LRRTM4: variants seen among roughly 807,000 people sequenced by gnomAD.
LRRTM4 encodes the protein leucine rich repeat transmembrane neuronal 4, also known as leucine-rich repeat transmembrane neuronal protein 4.
Under a neutral mutation model 47.6 loss-of-function variants are expected in LRRTM4, and 25 were observed. That is an observed-to-expected ratio of 0.53 (90% CI 0.38 to 0.73). The LOEUF is 0.73. LRRTM4 is among the 30% of genes least tolerant of loss of function. LRRTM4 has a pLI of 0.00. For synonymous variants in LRRTM4, 311 were observed against 269.5 expected (o/e 1.15, Z -1.51); for missense variants, 638 against 713.4 (o/e 0.89, Z 1.20).
intron 3 of LRRTM4, among the ~76,000 whole-genome samples, chr2:76,780,338 T>C (rs1038123481): frequency 1.3e-5 from 2 of 152,216 alleles, no homozygotes; most frequent in East Asian, 3.9e-4. Context: ...TTCTCCTGGA[T>C]AATCTCCTGC....
At chr2:76,749,444 C>T (rs1672772417) in intron 3 of LRRTM4, among the ~76,000 whole-genome samples, 2 of 151,976 alleles carry the variant, frequency 1.3e-5, no homozygotes, top group South Asian at 4.2e-4. Flanking sequence ...CAATTGAAAT[C>T]TTTACTATCA....
At chr2:76,824,587 G>A (rs1671140591) in intron 3 of LRRTM4, among the ~76,000 whole-genome samples, 1 of 148,090 alleles carries the variant, frequency 6.8e-6, no homozygotes, top group African/African-American at 2.6e-5. Context: ...CTGTCCTAGA[G>A]GAAGAGAGAA....
intron 3 of LRRTM4, among the ~76,000 whole-genome samples, chr2:77,485,212 A>G (rs1362294054): frequency 6.6e-6 from 1 of 152,120 alleles, no homozygotes; most frequent in African/African-American, 2.4e-5. Context: ...AAATGTGGAG[A>G]ATAGTATATA....
intron 3 of LRRTM4, among the ~76,000 whole-genome samples, chr2:77,515,450 T>C (rs930417163): frequency 3.3e-5 from 5 of 151,914 alleles, no homozygotes; most frequent in Non-Finnish European, 7.4e-5. Context: ...TAGGTCATGG[T>C]AACTGAATAT....
At chr2:76,979,831 T>G (rs1251341421) in intron 3 of LRRTM4, among the ~76,000 whole-genome samples, 1 of 151,902 alleles carries the variant, frequency 6.6e-6, no homozygotes, top group East Asian at 1.9e-4. Flanking sequence ...AATGAAGCAG[T>G]TTAGATTCCT....
chr2:77,458,237 A>T (rs1216327521), intron 3 of LRRTM4, among the ~76,000 whole-genome samples: 2 of 152,184 alleles, frequency 1.3e-5, no homozygotes, highest in Non-Finnish European at 2.9e-5. Flanking sequence ...CAAAAGAATG[A>T]AGAACAAATT....
intron 3 of LRRTM4, among the ~76,000 whole-genome samples, chr2:77,078,911 G>T (rs1157303881): frequency 6.6e-6 from 1 of 152,140 alleles, no homozygotes; most frequent in East Asian, 1.9e-4. Flanking sequence ...TTCTGTTTCT[G>T]GTGAGGACTC....
At chr2:77,394,227 G>T (rs1673613746) in intron 3 of LRRTM4, among the ~76,000 whole-genome samples, 1 of 151,826 alleles carries the variant, frequency 6.6e-6, no homozygotes. Flanking sequence ...AAAATTTAAT[G>T]TACTTATTCT....
chr2:76,912,351 C>A (rs1167093225), intron 3 of LRRTM4, among the ~76,000 whole-genome samples: 1 of 152,104 alleles, frequency 6.6e-6, no homozygotes, highest in Non-Finnish European at 1.5e-5. Context: ...ATATAATATT[C>A]CATTTTAGGA....
chr2:76,935,253 A>T (rs978230337), intron 3 of LRRTM4, among the ~76,000 whole-genome samples: 14 of 152,184 alleles, frequency 9.2e-5, no homozygotes, highest in African/African-American at 3.4e-4. Flanking sequence ...TTGCTACTCT[A>T]GCCTCGTAGT....
At chr2:77,033,910 G>A (rs748750274) in intron 3 of LRRTM4, among the ~76,000 whole-genome samples, 3 of 151,766 alleles carry the variant, frequency 2.0e-5, no homozygotes, top group Admixed American at 6.6e-5. Flanking sequence ...AGTTTTATAT[G>A]TTCCTTACTT....
intron 3 of LRRTM4, chr2:77,516,665 T>G: frequency 1.0e-6 from 1 of 980,134 alleles, no homozygotes; most frequent in Non-Finnish European, 1.2e-6. Context: ...TTGTTAGACT[T>G]TTATAGAAAA....
chr2:76,975,190 T>C (rs1327652706), intron 3 of LRRTM4, among the ~76,000 whole-genome samples: 1 of 151,748 alleles, frequency 6.6e-6, no homozygotes, highest in Admixed American at 6.6e-5. Flanking sequence ...AATTTGTTTT[T>C]GCTAACTGAG....
intron 3 of LRRTM4, among the ~76,000 whole-genome samples, chr2:77,385,834 G>A (rs1396022181): frequency 2.2e-5 from 3 of 136,670 alleles, no homozygotes; most frequent in Admixed American, 8.1e-5. Flanking sequence ...TGTAACCTCC[G>A]CATCCTGGTT....
chr2:77,191,652 A>T (rs973882690), intron 3 of LRRTM4, among the ~76,000 whole-genome samples: 1 of 151,922 alleles, frequency 6.6e-6, no homozygotes, highest in African/African-American at 2.4e-5. Context: ...AAAAATGAAA[A>T]TTTTTCTAAA....
chr2:77,411,618 ATTTTT>A (rs1222177148), intron 3 of LRRTM4, among the ~76,000 whole-genome samples: 7 of 64,808 alleles, frequency 1.1e-4, no homozygotes, highest in Non-Finnish European at 1.4e-4. Context: ...ATGCCCGGCT[ATTTTT>A]TTTTTTTTTT....
At chr2:77,286,717 G>C (rs1676672438) in intron 3 of LRRTM4, among the ~76,000 whole-genome samples, 1 of 151,842 alleles carries the variant, frequency 6.6e-6, no homozygotes, top group African/African-American at 2.4e-5. Context: ...CTCCAGTTTA[G>C]TCCAAACTTC....
intron 3 of LRRTM4, among the ~76,000 whole-genome samples, chr2:77,354,177 C>T (rs1176738644): frequency 6.6e-6 from 1 of 152,058 alleles, no homozygotes; most frequent in Admixed American, 6.6e-5. Context: ...GTGGTCATGT[C>T]TTAAGGAGAG....
At chr2:77,052,313 C>T (rs1344259666) in intron 3 of LRRTM4, among the ~76,000 whole-genome samples, 7 of 151,784 alleles carry the variant, frequency 4.6e-5, no homozygotes, top group Non-Finnish European at 5.9e-5. Flanking sequence ...GGATTACAGG[C>T]ATCTGCCACC....
Sources: gnomAD v4.1 joint callset for allele counts (sites outside exome capture counted in the v4.1 genomes callset) on GRCh38, gnomAD v4.1.1 for gene constraint, MANE v1.5 for transcripts, NCBI Gene and HGNC (gene_info 2026-07-23, HGNC 2026-07-21) for gene names.